The following LRCH2 variants were observed in gnomAD, a reference collection of about 807,000 sequenced individuals.
LRCH2 encodes leucine-rich repeat and calponin homology domain-containing protein 2.
Under a neutral mutation model 68.9 loss-of-function variants are expected in LRCH2, and 38 were observed. The ratio of observed to expected loss-of-function variants is 0.55; its 90% CI spans 0.43 to 0.72. LRCH2 has a LOEUF of 0.72. Ranked by LOEUF, LRCH2 falls within the 30% of genes least tolerant of loss-of-function variation. LRCH2 has a pLI of 0.00. For synonymous variants in LRCH2, 191 were observed against 208.1 expected (o/e 0.92, Z 0.71); for missense variants, 528 against 572.9 (o/e 0.92, Z 0.80).
chrX:115,163,630 T>C, intron 11 of LRCH2, 46 bp downstream of exon 11: 2 of 872,268 alleles, frequency 2.3e-6, no homozygotes, highest in Non-Finnish European at 3.3e-6. Flanking sequence ...ATCAATTTAA[T>C]GATTATAAAA....
intron 17 of LRCH2, 134 bp from the exon 18 acceptor site, chrX:115,123,326 T>G (rs1235012830): frequency 5.3e-5 from 24 of 455,906 alleles, no homozygotes; most frequent in Non-Finnish European, 8.1e-5. Flanking sequence ...CCAAATATTT[T>G]TAGAGAATAT....
At chrX:115,161,097 A>T (rs1292904301) in intron 11 of LRCH2, among the ~76,000 whole-genome samples, 1 of 111,712 alleles carries the variant, frequency 9.0e-6, no homozygotes, top group African/African-American at 3.2e-5. Context: ...TCACGCCTGT[A>T]ATCCCAGCAC....
rs1159479033 is a variant in LRCH2 at position 115,113,092 on chromosome X, T to A, written c.*124A>T. The A allele has an allele frequency of 8.2e-6, 5 of 606,182 alleles. No individual in the cohort carries two copies. The highest frequency in any genetic ancestry group is 1.1e-5 in the Non-Finnish European group (5 of 438,204). 50.0% of individuals were successfully genotyped at this position (606,182 alleles called of 1,213,427 possible). On this transcript the variant is annotated 3_prime_UTR_variant, in exon 21 of 21. Coordinates refer to ENST00000317135, the MANE Select transcript of LRCH2 (RefSeq NM_020871.4). Reference sequence around the variant, plus strand: ...GTTTGATGTTTCAATGTAATTTTTTTAAAATCCTAAGGCGTGACCTAAGGC... The same window carrying A: ...GTTTGATGTTTCAATGTAATTTTTTAAAAATCCTAAGGCGTGACCTAAGGC...
chrX:115,130,089 C>T, intron 15 of LRCH2, 66 bp downstream of exon 15: 2 of 607,732 alleles, frequency 3.3e-6, no homozygotes, highest in Non-Finnish European at 4.9e-6. Context: ...ACATTTTACT[C>T]TCACTGAGCC....
At chrX:115,133,018 T>C (rs1556530789) in intron 14 of LRCH2, among the ~76,000 whole-genome samples, 1 of 111,410 alleles carries the variant, frequency 9.0e-6, no homozygotes, top group Non-Finnish European at 1.9e-5. Context: ...TAAGTCAAAA[T>C]TGAAGAAGAC....
intron 12 of LRCH2, among the ~76,000 whole-genome samples, chrX:115,155,589 A>G (rs962668542): frequency 1.8e-5 from 2 of 112,353 alleles, no homozygotes; most frequent in South Asian, 7.3e-4. Context: ...AAGGAAAAAT[A>G]AGAAAGTTCA....
chrX:115,230,692 G>A (rs1298434391), intron 1 of LRCH2, among the ~76,000 whole-genome samples: 1 of 111,891 alleles, frequency 8.9e-6, no homozygotes, highest in Non-Finnish European at 1.9e-5. Context: ...CAAACAATTT[G>A]AAACAATTTT....
At chrX:115,120,522 C>A (rs2072129170) in intron 20 of LRCH2, among the ~76,000 whole-genome samples, 1 of 63,281 alleles carries the variant, frequency 1.6e-5, no homozygotes, top group African/African-American at 6.3e-5. Flanking sequence ...CAGGAAACAA[C>A]AGGTGCTGGA....
intron 1 of LRCH2, among the ~76,000 whole-genome samples, chrX:115,197,847 T>TCTCTCTCTCTCACACACACACA (rs782358260): frequency 1.9e-4 from 4 of 20,563 alleles, no homozygotes; most frequent in Non-Finnish European, 2.5e-4. Flanking sequence ...TCTCTCTCTC[T>TCTCTCTCTCTCACACACACACA]CACACACACA....
intron 12 of LRCH2, among the ~76,000 whole-genome samples, chrX:115,154,328 TACTA>T (rs1293303641): frequency 7.2e-5 from 8 of 111,835 alleles, no homozygotes; most frequent in African/African-American, 2.6e-4. Context: ...AACCTTCTCT[TACTA>T]ACTGATAGAA....
chrX:115,177,489 T>C (rs1173612945), intron 5 of LRCH2, among the ~76,000 whole-genome samples: 2 of 111,637 alleles, frequency 1.8e-5, no homozygotes, highest in African/African-American at 6.5e-5. Context: ...CTGGAGCGTC[T>C]CAACATTCAG....
intron 1 of LRCH2, among the ~76,000 whole-genome samples, chrX:115,216,256 G>C (rs2073041242): frequency 1.8e-5 from 2 of 111,472 alleles, no homozygotes; most frequent in Admixed American, 9.6e-5. Flanking sequence ...TTTCTTTAAA[G>C]ACCATACATA....
chrX:115,180,416 CATA>C (rs1556552048), intron 3 of LRCH2, among the ~76,000 whole-genome samples: 1 of 109,802 alleles, frequency 9.1e-6, no homozygotes, highest in African/African-American at 3.3e-5. Context: ...ATCAAGTTTC[CATA>C]ATAACAAATT....
intron 1 of LRCH2, among the ~76,000 whole-genome samples, chrX:115,204,932 C>A (rs781999946): frequency 1.8e-5 from 2 of 112,085 alleles, no homozygotes; most frequent in Admixed American, 1.9e-4. Context: ...CAATGCCCCA[C>A]TTCTTTAGTA....
At chrX:115,188,479 C>T in intron 1 of LRCH2, 109 bp from the exon 2 acceptor site, 1 of 513,075 alleles carries the variant, frequency 1.9e-6, no homozygotes, top group Non-Finnish European at 2.9e-6. Flanking sequence ...ACTTAAAATA[C>T]TTTAAAATAT....
At position 115,233,904 on chromosome X, in the gene LRCH2, C is replaced by T. The variant is rs782518786; in HGVS notation, c.138G>A (p.Leu46=). 8.6e-7 allele frequency: 1 copy of T among 1,164,597 alleles called. No individual in the cohort carries two copies. The highest frequency in any genetic ancestry group is 1.9e-5 in the South Asian group (1 of 52,453). Residue 46 remains leucine (L), a synonymous_variant, in exon 1 of 21, where the codon CTG becomes CTA. Transcript: ENST00000317135. The part of the protein sequence containing the change: ...GGGGGGGGGT[L]VVPIPVPTLF... ...GAGTCGGTACCGGGATGGGGACCAC[C>T]AGGGTCCCGCCGCCGCCGCCGCCTC... is the stretch of plus-strand genomic sequence containing the variant.
chrX:115,207,102 T>G (rs1463124147), intron 1 of LRCH2, among the ~76,000 whole-genome samples: 1 of 111,568 alleles, frequency 9.0e-6, no homozygotes, highest in Non-Finnish European at 1.9e-5. Flanking sequence ...AAAAATCAAT[T>G]AACATGTATA....
chrX:115,208,621 T>G (rs1320338458), intron 1 of LRCH2, among the ~76,000 whole-genome samples: 1 of 111,956 alleles, frequency 8.9e-6, no homozygotes, highest in Non-Finnish European at 1.9e-5. Flanking sequence ...TTGGTCTATC[T>G]GCGGCCCATT....
chrX:115,122,798 G>C lies in LRCH2; in HGVS notation c.2062C>G (p.Arg688Gly). 1 of 1,210,673 alleles carries C rather than the reference G, an allele frequency of 8.3e-7. No individual in the cohort carries two copies. Among genetic ancestry groups the C allele is most frequent in the Non-Finnish European group, 1.1e-6 (1 of 894,845 alleles). ...GGTACATGAATACTAGCAACAGAAC[G>C]TGGCCTTATATGATTGGCTAAATGG... ...LCHLANHIRP[R>G]SVASIHVPSP... The change falls in exon 19 of 21, where the codon CGT (arginine) becomes GGT (glycine). Residue 688 changes from arginine to glycine, a missense_variant. By Grantham distance (125) the Arg-to-Gly change is moderately radical (BLOSUM62 -2). Coordinates refer to ENST00000317135, the MANE Select transcript of LRCH2 (RefSeq NM_020871.4).
Sources: allele counts gnomAD v4.1 joint callset (sites outside exome capture counted in the v4.1 genomes callset), GRCh38; gene constraint gnomAD v4.1.1; transcripts MANE v1.5; gene names NCBI Gene and HGNC (gene_info 2026-07-23, HGNC 2026-07-21).